The following ANKRD30B variants were observed in gnomAD, a reference collection of about 807,000 sequenced individuals.
ANKRD30B encodes ankyrin repeat domain 30B.
In ANKRD30B, 144 loss-of-function variants were observed where a neutral mutation model predicts 202.2. The ratio of observed to expected loss-of-function variants is 0.71; its 90% CI spans 0.62 to 0.82. The LOEUF is 0.82. Among genes scored for constraint, ANKRD30B ranks in the 40% least tolerant of loss-of-function variants. The pLI is 0.00. For missense variants in ANKRD30B, 1,487 were observed against 1,669.1 expected (o/e 0.89, Z 1.90); for synonymous variants, 508 against 561.3 (o/e 0.91, Z 1.34).
intron 34 of ANKRD30B, among the ~76,000 whole-genome samples, chr18:14,836,976 GTTC>G (rs1376970856): frequency 1.3e-5 from 2 of 152,030 alleles, no homozygotes; most frequent in Non-Finnish European, 2.9e-5. Flanking sequence ...TTACTTTTCT[GTTC>G]TTATTTGTTT....
At chr18:14,760,756 G>A (rs750788966) in intron 6 of ANKRD30B, 138 bp downstream of exon 6, 342 of 534,696 alleles carry the variant, frequency 6.4e-4, no homozygotes, top group Non-Finnish European at 9.3e-4. Context: ...GTGTGTGTGT[G>A]TATATATATG....
intron 30 of ANKRD30B, chr18:14,817,081 TAAA>T (rs1263397067): frequency 6.6e-6 from 1 of 152,120 alleles, no homozygotes; most frequent in African/African-American, 2.4e-5. Context: ...AAATAAAAAA[TAAA>T]GAAAACATTT....
chr18:14,778,811 C>T (rs1344385213), intron 10 of ANKRD30B, among the ~76,000 whole-genome samples: 1 of 152,062 alleles, frequency 6.6e-6, no homozygotes, highest in Non-Finnish European at 1.5e-5. Context: ...AAGGGAATAG[C>T]CTTTCCTTTG....
the ANKRD30B span, among the ~76,000 whole-genome samples, chr18:14,861,681 C>T: frequency 6.6e-6 from 1 of 150,990 alleles, no homozygotes; most frequent in Admixed American, 6.6e-5. Context: ...TCATGGAGGA[C>T]TTCAACACCC....
Position 14,823,659 on chromosome 18 carries a change from CA to C in ANKRD30B, c.2743+983del, listed in dbSNP as rs1970547651. Reference sequence around the variant, plus strand: ...AACAGCCTGAATTAGCTTTTGTTGTCATTCCCATGCATGTTTAAAATATGTT... The same window carrying C: ...AACAGCCTGAATTAGCTTTTGTTGTCTTCCCATGCATGTTTAAAATATGTT... On this transcript the variant is annotated intron_variant, in intron 32 of 43. Transcript: ENST00000690538. Among the ~76,000 whole-genome samples, 3 of 152,236 alleles carry C rather than the reference CA, an allele frequency of 2.0e-5. No individual in the cohort carries two copies. In the South Asian group the frequency reaches 6.2e-4, roughly 32 times the overall value.
chr18:14,798,571 AC>A (rs1323682819), intron 20 of ANKRD30B, among the ~76,000 whole-genome samples: 6 of 151,852 alleles, frequency 4.0e-5, no homozygotes, highest in Non-Finnish European at 8.8e-5. Context: ...GTATGCCTTA[AC>A]CCTAAAGAGG....
At chr18:14,759,758 A>C (rs996677756) in intron 5 of ANKRD30B, among the ~76,000 whole-genome samples, 3 of 152,222 alleles carry the variant, frequency 2.0e-5, no homozygotes, top group Non-Finnish European at 4.4e-5. Flanking sequence ...TTTACAAATA[A>C]ATTTCATTAC....
intron 30 of ANKRD30B, among the ~76,000 whole-genome samples, chr18:14,820,347 C>A (rs1400532757): frequency 5.9e-5 from 9 of 152,090 alleles, no homozygotes; most frequent in Non-Finnish European, 1.3e-4. Context: ...AATTAAATAC[C>A]CTTTATTTCC....
chr18:14,755,135 A>C (rs1914133003), intron 4 of ANKRD30B, 130 bp downstream of exon 4: 3 of 532,296 alleles, frequency 5.6e-6, no homozygotes, highest in Non-Finnish European at 9.4e-6. Context: ...ATATCAACAC[A>C]AATTATCAGA....
At chr18:14,873,540 AAAAAAG>A in the ANKRD30B span, among the ~76,000 whole-genome samples, 1 of 151,630 alleles carries the variant, frequency 6.6e-6, no homozygotes, top group Non-Finnish European at 1.5e-5. Flanking sequence ...AAAAAAAAAA[AAAAAAG>A]AGAGAATTTG....
chr18:14,889,113 A>C, the ANKRD30B span, among the ~76,000 whole-genome samples: 1 of 151,498 alleles, frequency 6.6e-6, no homozygotes, highest in Non-Finnish European at 1.5e-5. Context: ...AAAACACCAC[A>C]TAATACACAG....
At chr18:14,940,115 G>A in the ANKRD30B span, among the ~76,000 whole-genome samples, 2 of 152,178 alleles carry the variant, frequency 1.3e-5, no homozygotes, top group African/African-American at 2.4e-5. Flanking sequence ...ATAGGGGTAC[G>A]TATGTCTCAT....
At chr18:14,773,083 A>G (rs1249367387) in intron 9 of ANKRD30B, among the ~76,000 whole-genome samples, 6 of 152,236 alleles carry the variant, frequency 3.9e-5, no homozygotes, top group Admixed American at 3.9e-4. Context: ...TAAATGAAGA[A>G]TGCAGATTTT....
At chr18:14,789,730 G>A (rs920811641) in intron 15 of ANKRD30B, among the ~76,000 whole-genome samples, 6 of 152,110 alleles carry the variant, frequency 3.9e-5, no homozygotes, top group African/African-American at 1.4e-4. Flanking sequence ...TGAGGGCTGT[G>A]TTCTGTTCCA....
At chr18:14,829,675 G>T (rs1382428356) in intron 33 of ANKRD30B, among the ~76,000 whole-genome samples, 1 of 152,196 alleles carries the variant, frequency 6.6e-6, no homozygotes, top group African/African-American at 2.4e-5. Flanking sequence ...AGGGTTCAAA[G>T]AAGTCCTGAA....
chr18:14,774,259 T>C (rs532960497), intron 9 of ANKRD30B, among the ~76,000 whole-genome samples: 4 of 152,292 alleles, frequency 2.6e-5, no homozygotes, highest in African/African-American at 9.6e-5. Flanking sequence ...ACTTTATGTG[T>C]TTCATCATAT....
the ANKRD30B span, among the ~76,000 whole-genome samples, chr18:14,902,602 G>T: frequency 6.6e-6 from 1 of 152,062 alleles, no homozygotes; most frequent in Admixed American, 6.6e-5. Flanking sequence ...CTCCTGCAGG[G>T]AGCTGTCCTC....
rs1326297699 is a variant in ANKRD30B, at chr18:14,752,552, T to C, written c.222-14T>C. 3 of 1,602,452 alleles carry C rather than the reference T, an allele frequency of 1.9e-6. No homozygotes were observed. The South Asian group carries it at 3.4e-5, about 18-fold the overall frequency. ...TGGGCTATACTTTGCCTAAAAGTCCTCTCACTCTCGTAGGACTGCTCTACA... is the reference window on the plus strand; with the variant it reads ...TGGGCTATACTTTGCCTAAAAGTCCCCTCACTCTCGTAGGACTGCTCTACA... On this transcript the variant is annotated splice_polypyrimidine_tract_variant and intron_variant, in intron 1 of 43. Coordinates refer to ENST00000690538, the MANE Select transcript of ANKRD30B (RefSeq NM_001367607.2).
chr18:14,818,704 T>C (rs534773697), intron 30 of ANKRD30B, among the ~76,000 whole-genome samples: 107 of 152,278 alleles, frequency 7.0e-4, no homozygotes, highest in Middle Eastern at 3.4e-3. Flanking sequence ...TCATTTTTTA[T>C]GGCTGCATAG....
Sources: gnomAD v4.1 joint callset for allele counts (sites outside exome capture counted in the v4.1 genomes callset) on GRCh38, gnomAD v4.1.1 for gene constraint, MANE v1.5 for transcripts, NCBI Gene and HGNC (gene_info 2026-07-23, HGNC 2026-07-21) for gene names.